UNC13C: variants seen among roughly 807,000 people sequenced by gnomAD.
The protein encoded by UNC13C is protein unc-13 homolog C.
A neutral mutation model predicts 245.4 loss-of-function variants in UNC13C; 174 were observed. That is an observed-to-expected ratio of 0.71 (90% CI 0.63 to 0.80). The LOEUF (loss-of-function observed/expected upper bound fraction) is 0.80. UNC13C is among the 30% of genes least tolerant of loss of function. The pLI is 0.00. For missense variants in UNC13C, 2,829 were observed against 2,602.9 expected (o/e 1.09, Z -1.89); for synonymous variants, 992 against 895.1 (o/e 1.11, Z -1.93).
At chr15:54,048,447 A>G in intron 2 of UNC13C, 1 of 605,004 alleles carries the variant, frequency 1.7e-6, no homozygotes, top group Non-Finnish European at 3.2e-6. Context: ...ATTGATCTGG[A>G]TTGCTTGATA....
intron 13 of UNC13C, among the ~76,000 whole-genome samples, chr15:54,309,193 C>T (rs2037805293): frequency 1.3e-5 from 2 of 151,790 alleles, no homozygotes; most frequent in Admixed American, 6.6e-5. Context: ...TTGGTAATAG[C>T]CATTCCAATA....
At chr15:53,862,139 C>T in the UNC13C span, among the ~76,000 whole-genome samples, 1 of 152,078 alleles carries the variant, frequency 6.6e-6, no homozygotes, top group East Asian at 1.9e-4. Context: ...CTGGAAAGGG[C>T]TCTATTCCTG....
At chr15:54,128,169 C>T (rs78842811) in intron 2 of UNC13C, among the ~76,000 whole-genome samples, 6 of 151,906 alleles carry the variant, frequency 3.9e-5, no homozygotes, top group Non-Finnish European at 7.4e-5. Context: ...TTTACAATAG[C>T]CACAAAGAAA....
chr15:54,506,629 G>A (rs1894487668), intron 22 of UNC13C, among the ~76,000 whole-genome samples: 1 of 151,912 alleles, frequency 6.6e-6, no homozygotes, highest in Non-Finnish European at 1.5e-5. Flanking sequence ...GCGAATTCAG[G>A]TTTATAAATT....
chr15:54,105,035 C>T (rs370904205), intron 2 of UNC13C, among the ~76,000 whole-genome samples: 71 of 151,978 alleles, frequency 4.7e-4, no homozygotes, highest in African/African-American at 1.7e-3. Flanking sequence ...AGGAAAAGCC[C>T]CAGTTTTTCT....
At chr15:54,607,414 A>G (rs1180113762) in intron 30 of UNC13C, among the ~76,000 whole-genome samples, 1 of 152,176 alleles carries the variant, frequency 6.6e-6, no homozygotes, top group Non-Finnish European at 1.5e-5. Context: ...AAGAAAAAAT[A>G]TTATTAATCC....
At chr15:54,463,740 G>C (rs778983332) in intron 19 of UNC13C, among the ~76,000 whole-genome samples, 35 of 152,246 alleles carry the variant, frequency 2.3e-4, no homozygotes, top group Non-Finnish European at 4.7e-4. Flanking sequence ...AAATCAGTTA[G>C]ACCAAGAACC....
Position 54,552,504 on chromosome 15 carries a change from AT to A in UNC13C, c.5877+2815del, listed in dbSNP as rs1566904620. On this transcript the variant is annotated intron_variant, in intron 28 of 32. Coordinates refer to ENST00000260323, the MANE Select transcript of UNC13C (RefSeq NM_001080534.3). Reference sequence around the variant, plus strand: ...ATAATTATATATTATATTATATATAATTATATATTATATATTATATATAATA... The same window carrying A: ...ATAATTATATATTATATTATATATAATATATATTATATATTATATATAATA... Among the ~76,000 whole-genome samples, 132 of 51,146 alleles carry A rather than the reference AT, an allele frequency of 2.6e-3. 1 individual carries two copies. Among genetic ancestry groups the A allele is most frequent in the Non-Finnish European group, 3.5e-3 (116 of 33,458 alleles). 33.6% of individuals were successfully genotyped at this position (51,146 alleles called of 152,430 possible).
intron 19 of UNC13C, among the ~76,000 whole-genome samples, chr15:54,465,262 C>T (rs373721206): frequency 1.2e-4 from 18 of 152,082 alleles, no homozygotes; most frequent in Non-Finnish European, 1.6e-4. Context: ...TACAGTCAAT[C>T]GATCATCAAG....
chr15:54,472,441 GTGCT>G (rs376504110), intron 19 of UNC13C, among the ~76,000 whole-genome samples: 6,521 of 151,742 alleles, frequency 0.043, 209 homozygotes, highest in Middle Eastern at 0.12. Context: ...TCATTAAAAA[GTGCT>G]TACTTTTACC....
At chr15:53,850,563 G>A in the UNC13C span, among the ~76,000 whole-genome samples, 9 of 151,864 alleles carry the variant, frequency 5.9e-5, no homozygotes, top group Non-Finnish European at 1.5e-5. Context: ...ATCATTCCTT[G>A]TTGCACTGAA....
intron 2 of UNC13C, among the ~76,000 whole-genome samples, chr15:54,068,191 AC>A (rs1898158327): frequency 6.6e-6 from 1 of 152,198 alleles, no homozygotes; most frequent in African/African-American, 2.4e-5. Flanking sequence ...TTCTATAGCC[AC>A]AACCATTTAA....
At chr15:54,402,840 T>C (rs2040215165) in intron 18 of UNC13C, among the ~76,000 whole-genome samples, 1 of 152,228 alleles carries the variant, frequency 6.6e-6, no homozygotes. Flanking sequence ...GCATTAATCC[T>C]TCCAAATATT....
chr15:54,051,881 A>G (rs1431159052), intron 2 of UNC13C, among the ~76,000 whole-genome samples: 2 of 143,898 alleles, frequency 1.4e-5, no homozygotes, highest in Non-Finnish European at 3.0e-5. Flanking sequence ...ATCTAGCATT[A>G]GGTATATCTC....
intron 1 of UNC13C, among the ~76,000 whole-genome samples, chr15:53,991,433 CA>C (rs982197562): frequency 3.9e-5 from 6 of 152,086 alleles, no homozygotes; most frequent in Middle Eastern, 3.4e-3. Flanking sequence ...CCAATGTGAT[CA>C]ATCTTTACCA....
chr15:54,541,788 C>T (rs1477394972), intron 26 of UNC13C, among the ~76,000 whole-genome samples: 1 of 151,970 alleles, frequency 6.6e-6, no homozygotes, highest in Non-Finnish European at 1.5e-5. Context: ...CATTATGTCA[C>T]CATGAGAAGA....
At chr15:53,905,405 C>CAA in the UNC13C span, among the ~76,000 whole-genome samples, 1 of 149,230 alleles carries the variant, frequency 6.7e-6, no homozygotes, top group East Asian at 2.0e-4. Flanking sequence ...TTTATACACA[C>CAA]ACACACACAC....
intron 7 of UNC13C, among the ~76,000 whole-genome samples, chr15:54,243,223 G>A (rs2035904821): frequency 6.7e-6 from 1 of 149,510 alleles, no homozygotes; most frequent in South Asian, 2.1e-4. Context: ...TAATAAGTGA[G>A]AACATATGGG....
chr15:53,986,623 C>G (rs766825293), intron 1 of UNC13C, among the ~76,000 whole-genome samples: 2 of 151,986 alleles, frequency 1.3e-5, no homozygotes. Context: ...AAAAATTATA[C>G]AGTACCAAGA....
Sources: gnomAD v4.1 joint callset for allele counts (sites outside exome capture counted in the v4.1 genomes callset) on GRCh38, gnomAD v4.1.1 for gene constraint, MANE v1.5 for transcripts, NCBI Gene and HGNC (gene_info 2026-07-23, HGNC 2026-07-21) for gene names.